The following ITPK1 variants were observed in gnomAD, a reference collection of about 807,000 sequenced individuals.
ITPK1 encodes the protein inositol 1,3,4-trisphosphate 5/6-kinase.
In ITPK1, 21 loss-of-function variants were observed where a neutral mutation model predicts 45.3. The observed-to-expected ratio is 0.46, with a 90% CI of 0.33 to 0.67. The LOEUF (loss-of-function observed/expected upper bound fraction) is 0.67, where lower values mean the gene tolerates loss of function less well. Ranked by LOEUF, ITPK1 falls within the 30% of genes least tolerant of loss-of-function variation. The probability of loss-of-function intolerance (pLI) is 0.02; values close to 1 mark genes in which losing one functional copy is unlikely to be tolerated. For synonymous variants in ITPK1, 258 were observed against 253.6 expected, an observed-to-expected ratio of 1.02 and a Z score of -0.16; for missense variants, 474 against 573.5, an observed-to-expected ratio of 0.83 and a Z score of 1.77.
chr14:93,089,490 A>G (rs1595205636), intron 2 of ITPK1, among the ~76,000 whole-genome samples: 1 of 152,200 alleles, frequency 6.6e-6, no homozygotes, highest in Admixed American at 6.5e-5. Context: ...CGTGACAAGA[A>G]GGATTCAAGC....
chr14:93,001,419 G>A (rs1383807646), intron 4 of ITPK1, among the ~76,000 whole-genome samples: 1 of 152,178 alleles, frequency 6.6e-6, no homozygotes, highest in Admixed American at 6.5e-5. Flanking sequence ...AAGCATCAGA[G>A]GGGGCACAAT....
intron 4 of ITPK1, among the ~76,000 whole-genome samples, chr14:92,999,214 C>T (rs991533406): frequency 1.3e-5 from 2 of 152,244 alleles, no homozygotes; most frequent in African/African-American, 2.4e-5. Flanking sequence ...CCAGCAGGGA[C>T]GGCTGCGCAC....
At position 92,959,889 on chromosome 14, in the gene ITPK1, G is replaced by A. The variant is rs147291716; in HGVS notation, c.505-1523C>T. 5.9e-5 allele frequency among the ~76,000 whole-genome samples: 9 copies of A among 152,314 alleles called. No individual in the cohort carries two copies. The South Asian group carries it at 8.3e-4, about 14-fold the overall frequency. Reference sequence around the variant, plus strand: ...GGAGATTCAGAGGCCGGGAGTGCGCGGGCTGGGATGCAGACGAGGACTCCC... The same window carrying A: ...GGAGATTCAGAGGCCGGGAGTGCGCAGGCTGGGATGCAGACGAGGACTCCC... On this transcript the variant is annotated intron_variant, in intron 7 of 10. Transcript: ENST00000267615.
At position 93,014,698 on chromosome 14, in the gene ITPK1, C is replaced by T. The variant is rs925340423; in HGVS notation, c.246+1978G>A. Among the ~76,000 whole-genome samples, 2 of 152,346 alleles carry T rather than the reference C, an allele frequency of 1.3e-5. No homozygotes were observed. The highest frequency in any genetic ancestry group is 2.4e-5 in the African/African-American group (1 of 41,572). On this transcript the variant is annotated intron_variant, in intron 4 of 10. Coordinates refer to ENST00000267615, the MANE Select transcript of ITPK1 (RefSeq NM_014216.6). This position sits in a 1 kb window ranked among gnomAD's most constrained non-coding sequence, Gnocchi z 4.4. Reference sequence around the variant, plus strand: ...ACGACAGGTGAGGAGAGCAAGCTAGCGCAGGCTCAAATCCCACCTGGACCA... The same window carrying T: ...ACGACAGGTGAGGAGAGCAAGCTAGTGCAGGCTCAAATCCCACCTGGACCA...
intron 2 of ITPK1, among the ~76,000 whole-genome samples, chr14:93,077,186 C>T (rs866905962): frequency 1.3e-5 from 2 of 152,232 alleles, no homozygotes; most frequent in Non-Finnish European, 1.5e-5. Flanking sequence ...ACATCTTCCC[C>T]GCTCACATGC....
intron 9 of ITPK1, among the ~76,000 whole-genome samples, chr14:92,950,180 G>A (rs567000311): frequency 1.3e-5 from 2 of 152,378 alleles, no homozygotes; most frequent in Admixed American, 6.5e-5. Flanking sequence ...CTCCAAGTTC[G>A]GTGGGGCTAG....
chr14:92,940,457 T>G lies in ITPK1; in HGVS notation c.*1104A>C. 1 of 1,112,188 alleles carries G rather than the reference T, an allele frequency of 9.0e-7. No homozygotes were observed. The allele number at this position is 1,112,188 out of a possible 1,614,324, so 68.9% of individuals were successfully genotyped here. On this transcript the variant is annotated 3_prime_UTR_variant, in exon 11 of 11. Transcript: ENST00000267615. ...GTGTGCAGAAGCGATGGGGGGCGGG[T>G]GGCTCCCTGGCACCTGCTGGCTCAG... is the stretch of plus-strand genomic sequence containing the variant.
Position 92,937,288 on chromosome 14 carries a change from T to C in ITPK1, c.*4273A>G, listed in dbSNP as rs1887172513. On this transcript the variant is annotated 3_prime_UTR_variant, in exon 11 of 11. Transcript: ENST00000267615. ...GTGAACAGCTTGAAGCAAACAGCAT[T>C]TGTCACAAAGCCCAGGTGTCGGCAG... 6.6e-6 allele frequency: 1 copy of C among 152,230 alleles called. No individual in the cohort carries two copies. 9.4% of individuals were successfully genotyped at this position (152,230 alleles called of 1,614,324 possible). A position where few individuals can be genotyped will look rare whatever the true frequency, so the allele number is the denominator to read the frequency against.
chr14:93,066,299 C>A (rs963684408), intron 3 of ITPK1: 1 of 451,604 alleles, frequency 2.2e-6, no homozygotes, highest in Admixed American at 2.4e-5. Context: ...TGCGTGTGTG[C>A]GCGTGCATGT....
chr14:92,980,056 C>G (rs1160429720), intron 5 of ITPK1, among the ~76,000 whole-genome samples: 1 of 152,178 alleles, frequency 6.6e-6, no homozygotes, highest in African/African-American at 2.4e-5. Context: ...GCTGGGTTTA[C>G]AGGTGTGAGC....
intron 8 of ITPK1, among the ~76,000 whole-genome samples, chr14:92,953,030 C>T (rs1351150028): frequency 6.6e-6 from 1 of 152,258 alleles, no homozygotes; most frequent in East Asian, 1.9e-4. Flanking sequence ...TGGCTCCCAC[C>T]CCCAGGATGC....
intron 5 of ITPK1, among the ~76,000 whole-genome samples, chr14:92,984,830 G>A (rs997451277): frequency 3.3e-5 from 5 of 152,068 alleles, no homozygotes; most frequent in South Asian, 4.1e-4. Context: ...ATGACTGTTC[G>A]GTAAATACCA....
intron 5 of ITPK1, among the ~76,000 whole-genome samples, chr14:92,972,736 A>G (rs1426114980): frequency 6.6e-6 from 1 of 152,164 alleles, no homozygotes; most frequent in African/African-American, 2.4e-5. Context: ...GATTACAGGA[A>G]CACGCCACCA....
intron 4 of ITPK1, among the ~76,000 whole-genome samples, chr14:93,008,776 TCA>T (rs1333849227): frequency 6.6e-6 from 1 of 152,214 alleles, no homozygotes; most frequent in Non-Finnish European, 1.5e-5. Flanking sequence ...GTCATGCCAC[TCA>T]CACAAACCAG....
intron 2 of ITPK1, among the ~76,000 whole-genome samples, chr14:93,077,881 G>A (rs1337661873): frequency 2.0e-5 from 3 of 152,204 alleles, no homozygotes; most frequent in African/African-American, 7.2e-5. Flanking sequence ...AGGGACCGAG[G>A]CACCCAAGAC....
chr14:92,964,091 A>T (rs543386401), intron 5 of ITPK1, among the ~76,000 whole-genome samples: 29 of 152,252 alleles, frequency 1.9e-4, no homozygotes, highest in African/African-American at 5.5e-4. Context: ...GGCATATAAA[A>T]TTGCTTTTAT....
chr14:92,990,625 G>A (rs1331229400), intron 5 of ITPK1, among the ~76,000 whole-genome samples: 1 of 152,202 alleles, frequency 6.6e-6, no homozygotes, highest in Non-Finnish European at 1.5e-5. Flanking sequence ...CTGGGAATGT[G>A]GAACTGAGAA....
rs1054399149 is a variant in ITPK1 at position 93,016,503 on chromosome 14, C to T, written c.246+173G>A. ...CCCACGCTACACCCGAGGACACTGA[C>T]GCCGCACAGAAGTACCTGCCCACGA... is the stretch of plus-strand genomic sequence containing the variant. On this transcript the variant is annotated intron_variant, in intron 4 of 10. Coordinates refer to ENST00000267615, the MANE Select transcript of ITPK1 (RefSeq NM_014216.6). This position sits in a 1 kb window ranked among gnomAD's most constrained non-coding sequence, Gnocchi z 5.0. Among the ~76,000 whole-genome samples, 8 of 152,184 alleles carry T rather than the reference C, an allele frequency of 5.3e-5. No homozygotes were observed. Among genetic ancestry groups the T allele is most frequent in the South Asian group, 2.1e-4 (1 of 4,836 alleles).
At chr14:93,100,830 A>G (rs1259628795) in intron 2 of ITPK1, among the ~76,000 whole-genome samples, 1 of 152,184 alleles carries the variant, frequency 6.6e-6, no homozygotes, top group Non-Finnish European at 1.5e-5. Context: ...TGAGAGTGAG[A>G]GGACTGGAGC....
Sources: allele counts gnomAD v4.1 joint callset (sites outside exome capture counted in the v4.1 genomes callset), GRCh38; gene constraint gnomAD v4.1.1; non-coding constraint Gnocchi (gnomAD v3.1); transcripts MANE v1.5; gene names NCBI Gene and HGNC (gene_info 2026-07-23, HGNC 2026-07-21).